The following CORO2A variants were observed in gnomAD, a reference collection of about 807,000 sequenced individuals.
The protein encoded by CORO2A is coronin-2A.
In CORO2A, 47 loss-of-function variants were observed where a neutral mutation model predicts 62.4. The observed-to-expected ratio is 0.75, with a 90% CI of 0.60 to 0.96. CORO2A has a LOEUF of 0.96. Ranked by LOEUF, CORO2A falls within the 40% of genes least tolerant of loss-of-function variation. The probability of loss-of-function intolerance (pLI) is 0.00; values close to 1 mark genes in which losing one functional copy is unlikely to be tolerated. For missense variants in CORO2A, 610 were observed against 684.1 expected (o/e 0.89, Z 1.21); for synonymous variants, 273 against 268.9 (o/e 1.02, Z -0.15).
intron 2 of CORO2A, 113 bp from the exon 3 acceptor site, chr9:98,137,801 G>T (rs1437545523): frequency 6.2e-6 from 5 of 811,804 alleles, no homozygotes; most frequent in Non-Finnish European, 8.6e-6. Context: ...GGACAGAGCT[G>T]GGTGTGAATC....
chr9:98,140,423 T>G (rs2118831642), intron 2 of CORO2A, among the ~76,000 whole-genome samples: 1 of 151,878 alleles, frequency 6.6e-6, no homozygotes, highest in East Asian at 1.9e-4. Context: ...TCCCCATCTG[T>G]GTAGAGACCA....
chr9:98,130,713 C>T (rs1206748021), intron 7 of CORO2A, among the ~76,000 whole-genome samples: 1 of 152,192 alleles, frequency 6.6e-6, no homozygotes, highest in Non-Finnish European at 1.5e-5. Flanking sequence ...TGCTGAGAAA[C>T]ACCAATGGTC....
At position 98,154,352 on chromosome 9, in the gene CORO2A, T is replaced by TATATATATATATATATACAC. The variant is rs71369555; in HGVS notation, c.201+3107_201+3108insGTGTATATATATATATATAT. Among the ~76,000 whole-genome samples the TATATATATATATATATACAC allele has an allele frequency of 2.8e-3, 266 of 93,912 alleles. 4 individuals carry two copies. The highest frequency in any genetic ancestry group is 7.7e-3 in the African/African-American group (206 of 26,736). 61.6% of individuals were successfully genotyped at this position (93,912 alleles called of 152,430 possible). A position where few individuals can be genotyped will look rare whatever the true frequency, so the allele number is the denominator to read the frequency against. ...GTGTATATATATATATATATATATATACACAAATACATATATATATATATT... is the reference window on the plus strand; with the variant it reads ...GTGTATATATATATATATATATATATATATATATATATATATACACACACAAATACATATATATATATATT... On this transcript the variant is annotated intron_variant, in intron 2 of 11. Coordinates refer to ENST00000375077, the MANE Select transcript of CORO2A (RefSeq NM_052820.4).
chr9:98,179,089 T>G (rs936440253), intron 1 of CORO2A, among the ~76,000 whole-genome samples: 3 of 152,232 alleles, frequency 2.0e-5, no homozygotes, highest in African/African-American at 7.2e-5. Flanking sequence ...TTGGGTTCAC[T>G]CTGAAGCCTC....
chr9:98,125,914 C>T (rs1228444736), intron 11 of CORO2A, among the ~76,000 whole-genome samples: 3 of 151,766 alleles, frequency 2.0e-5, no homozygotes, highest in Admixed American at 6.6e-5. Context: ...GACGGGGTTT[C>T]GCCATGTTGG....
rs374505837 is a variant in CORO2A, at chr9:98,126,759, C to T, written c.1236G>A (p.Glu412=). Residue 412 remains glutamate, a synonymous_variant, in exon 11 of 12, where the codon GAG becomes GAA. Coordinates refer to ENST00000375077, the MANE Select transcript of CORO2A (RefSeq NM_052820.4). ...GGGCCATGGAATTGAAGATAGGTCT[C>T]TCTGCAGGCAGTGGGTGGGGTCTCA... ...ELLRPHPLPA[E]RPIFNSMAPA... 1 of 1,614,112 alleles carries T rather than the reference C, an allele frequency of 6.2e-7. No individual in the cohort carries two copies. Among genetic ancestry groups the T allele is most frequent in the African/African-American group, 1.3e-5 (1 of 74,946 alleles).
In CORO2A at chr9:98,157,452, G is replaced by A; in HGVS notation, c.201+8C>T. On this transcript the variant is annotated splice_region_variant and intron_variant, in intron 2 of 11. Transcript: ENST00000375077. ...CAGAGAGCTGTTTGGGCCTGGGGGT[G>A]TCCTTACCTGGTGCAGGGGGATGAC... 6.2e-7 allele frequency: 1 copy of A among 1,614,012 alleles called. No individual in the cohort carries two copies. The highest frequency in any genetic ancestry group is 2.2e-5 in the East Asian group (1 of 44,872).
chr9:98,144,934 G>A (rs1285677970), intron 2 of CORO2A, among the ~76,000 whole-genome samples: 1 of 152,172 alleles, frequency 6.6e-6, no homozygotes, highest in Non-Finnish European at 1.5e-5. Context: ...CCTGACTGGA[G>A]AGGGTGAGAT....
At chr9:98,187,059 C>T (rs1828247832) in intron 1 of CORO2A, among the ~76,000 whole-genome samples, 1 of 152,052 alleles carries the variant, frequency 6.6e-6, no homozygotes, top group African/African-American at 2.4e-5. Context: ...GGGGGCAGAT[C>T]ATGAGGTCAG....
intron 2 of CORO2A, among the ~76,000 whole-genome samples, chr9:98,148,656 A>G (rs1260855942): frequency 6.6e-6 from 1 of 151,620 alleles, no homozygotes; most frequent in Non-Finnish European, 1.5e-5. Context: ...CCGTAAGAGG[A>G]TTGCTTGAGC....
rs1827326830 is a variant in CORO2A, at chr9:98,126,755, GTC to G, written c.1238_1239del (p.Arg413ThrfsTer57). ...LLRPHPLPAE[R>X]PIFNSMAPAS... ...GCTGGGGCCATGGAATTGAAGATAG[GTC>G]TCTCTGCAGGCAGTGGGTGGGGTCT... On this transcript the variant is annotated frameshift_variant, in exon 11 of 12. Coordinates refer to ENST00000375077, the MANE Select transcript of CORO2A (RefSeq NM_052820.4). LOFTEE classifies it high-confidence loss of function. The G allele has an allele frequency of 6.2e-7, 1 of 1,614,174 alleles. No homozygotes were observed.
intron 11 of CORO2A, 83 bp from the exon 12 acceptor site, chr9:98,124,988 A>T (rs903851309): frequency 6.7e-7 from 1 of 1,491,472 alleles, no homozygotes; most frequent in Admixed American, 2.1e-5. Flanking sequence ...TCTTTGACTC[A>T]GAAAGGTGGA....
In CORO2A at chr9:98,123,146, G is replaced by A. The variant is rs1281873530; in HGVS notation, c.*1628C>T. 2 of 152,272 alleles carry A rather than the reference G, an allele frequency of 1.3e-5. No individual in the cohort carries two copies. The highest frequency in any genetic ancestry group is 2.9e-5 in the Non-Finnish European group (2 of 68,106). The allele number at this position is 152,272 out of a possible 1,614,324, so 9.4% of individuals were successfully genotyped here. A position where few individuals can be genotyped will look rare whatever the true frequency, so the allele number is the denominator to read the frequency against. The stretch of plus-strand genomic sequence containing the variant: ...GGACTTGCAAGAGGTCACTGAGTAA[G>A]CTGGGGCACAGCTGAGGCCAGAAGC... On this transcript the variant is annotated 3_prime_UTR_variant, in exon 12 of 12. Transcript: ENST00000375077.
chr9:98,164,242 A>G (rs566264453), intron 1 of CORO2A, among the ~76,000 whole-genome samples: 1 of 152,344 alleles, frequency 6.6e-6, no homozygotes, highest in East Asian at 1.9e-4. Flanking sequence ...AGAACGCTCT[A>G]TGTGAAGGTG....
intron 1 of CORO2A, among the ~76,000 whole-genome samples, chr9:98,159,628 G>A (rs1426272894): frequency 6.6e-6 from 1 of 151,340 alleles, no homozygotes; most frequent in Admixed American, 6.6e-5. Context: ...CCCTTCCCTA[G>A]CTCCCAAGCC....
Position 98,126,531 on chromosome 9 carries a change from C to A in CORO2A, c.1446+18G>T. ...CCAGCTGCCCCATGTGAAAGGCCCA[C>A]CCCGTCCTCCTTCACACCTCATTCT... is the stretch of plus-strand genomic sequence containing the variant. On this transcript the variant is annotated intron_variant, in intron 11 of 11. Coordinates refer to ENST00000375077, the MANE Select transcript of CORO2A (RefSeq NM_052820.4). 6.2e-7 allele frequency: 1 copy of A among 1,607,008 alleles called. No individual in the cohort carries two copies. Among genetic ancestry groups the A allele is most frequent in the Non-Finnish European group, 8.5e-7 (1 of 1,174,902 alleles).
chr9:98,160,152 A>C (rs1174193844), intron 1 of CORO2A, among the ~76,000 whole-genome samples: 10 of 152,208 alleles, frequency 6.6e-5, no homozygotes, highest in African/African-American at 2.4e-4. Flanking sequence ...CCCTGGCTGC[A>C]TTTGCCAGAG....
At chr9:98,144,617 G>A (rs1473082531) in intron 2 of CORO2A, among the ~76,000 whole-genome samples, 1 of 152,222 alleles carries the variant, frequency 6.6e-6, no homozygotes, top group African/African-American at 2.4e-5. Context: ...AGGCACACAA[G>A]AGACCTGGGG....
intron 2 of CORO2A, among the ~76,000 whole-genome samples, chr9:98,142,454 G>A (rs1827583377): frequency 6.6e-6 from 1 of 152,040 alleles, no homozygotes; most frequent in Admixed American, 6.5e-5. Flanking sequence ...TCCTTTCTCT[G>A]GGATCATTTC....
Sources: gnomAD v4.1 joint callset for allele counts (sites outside exome capture counted in the v4.1 genomes callset) on GRCh38, gnomAD v4.1.1 for gene constraint, MANE v1.5 for transcripts, NCBI Gene and HGNC (gene_info 2026-07-23, HGNC 2026-07-21) for gene names.